The following CCSER1 variants were observed in gnomAD, a reference collection of about 807,000 sequenced individuals.
The protein encoded by CCSER1 is coiled-coil serine rich protein 1.
CCSER1 carries 41 observed loss-of-function variants against 82.0 expected under a neutral mutation model. That is an observed-to-expected ratio of 0.50 (90% CI 0.39 to 0.65). The LOEUF (loss-of-function observed/expected upper bound fraction) is 0.65. Ranked by LOEUF, CCSER1 falls within the 30% of genes least tolerant of loss-of-function variation. The pLI is 0.00. For synonymous variants in CCSER1, 414 were observed against 383.9 expected (o/e 1.08, Z -0.92); for missense variants, 1,119 against 1,064.2 (o/e 1.05, Z -0.72).
chr4:90,572,996 G>A (rs1330363191), intron 5 of CCSER1, among the ~76,000 whole-genome samples: 1 of 152,178 alleles, frequency 6.6e-6, no homozygotes, highest in Non-Finnish European at 1.5e-5. Flanking sequence ...AGGTATATGT[G>A]GCACTAGGGT....
At chr4:90,730,401 T>C (rs1042999766) in intron 7 of CCSER1, among the ~76,000 whole-genome samples, 3 of 152,196 alleles carry the variant, frequency 2.0e-5, no homozygotes, top group Non-Finnish European at 4.4e-5. Flanking sequence ...GGTCATTTTT[T>C]ACTAAGCCAT....
At chr4:90,460,971 C>T in intron 4 of CCSER1, among the ~76,000 whole-genome samples, 1 of 152,168 alleles carries the variant, frequency 6.6e-6, no homozygotes, top group Middle Eastern at 3.4e-3. Flanking sequence ...GAAGCCCTCA[C>T]CATTTCTCAC....
At position 90,420,718 on chromosome 4, in the gene CCSER1, A is replaced by G. The variant is rs534067466; in HGVS notation, c.1603+20589A>G. 2.0e-5 allele frequency among the ~76,000 whole-genome samples: 3 copies of G among 152,222 alleles called. No individual in the cohort carries two copies. In the South Asian group the frequency reaches 6.2e-4, roughly 32 times the overall value. ...TGACCTAATTTAGTATTAAATAACA[A>G]CAATTTTAATGAAGTCATAGTATTT... is the stretch of plus-strand genomic sequence containing the variant. On this transcript the variant is annotated intron_variant, in intron 4 of 10. Coordinates refer to ENST00000509176, the MANE Select transcript of CCSER1 (RefSeq NM_001145065.2).
At chr4:90,591,482 G>A (rs1050179804) in intron 5 of CCSER1, among the ~76,000 whole-genome samples, 4 of 152,148 alleles carry the variant, frequency 2.6e-5, no homozygotes, top group Non-Finnish European at 4.4e-5. Flanking sequence ...AAACAACAAT[G>A]AGATACCATC....
In CCSER1 at chr4:90,755,247, A is replaced by T. The variant is rs146275301; in HGVS notation, c.2010+31256A>T. 1.8e-4 allele frequency among the ~76,000 whole-genome samples: 28 copies of T among 152,224 alleles called. 1 individual carries two copies. In the East Asian group the frequency reaches 5.4e-3, roughly 29 times the overall value. On this transcript the variant is annotated intron_variant, in intron 7 of 10. Transcript: ENST00000509176. ...GAGGAACAAGAGGGGGTGCATATTG[A>T]TAAACAAGTAAGAGTCAGTGCCAGA...
intron 10 of CCSER1, among the ~76,000 whole-genome samples, chr4:91,320,187 G>T (rs534052449): frequency 6.6e-6 from 1 of 152,138 alleles, no homozygotes; most frequent in South Asian, 2.1e-4. Context: ...TTTGTAAAGT[G>T]CTTCAAATGA....
At chr4:90,841,674 A>G (rs553307309) in intron 8 of CCSER1, among the ~76,000 whole-genome samples, 3 of 150,182 alleles carry the variant, frequency 2.0e-5, no homozygotes, top group South Asian at 2.1e-4. Flanking sequence ...AGAACTGTTT[A>G]TTAGGGCAGT....
chr4:90,760,733 T>C (rs1294263707), intron 7 of CCSER1, among the ~76,000 whole-genome samples: 1 of 152,078 alleles, frequency 6.6e-6, no homozygotes, highest in East Asian at 1.9e-4. Flanking sequence ...CTGTTTCTTG[T>C]TATGGGACTA....
At chr4:90,924,657 A>T (rs1268463050) in intron 9 of CCSER1, among the ~76,000 whole-genome samples, 1 of 152,164 alleles carries the variant, frequency 6.6e-6, no homozygotes, top group African/African-American at 2.4e-5. Flanking sequence ...ATTTACCACA[A>T]GTAGTTCAAT....
intron 4 of CCSER1, among the ~76,000 whole-genome samples, chr4:90,451,114 T>C (rs1213757796): frequency 1.3e-5 from 2 of 152,168 alleles, no homozygotes; most frequent in Non-Finnish European, 2.9e-5. Flanking sequence ...ACAGTGAAGA[T>C]AGTATTGTAT....
chr4:91,390,847 G>A (rs977014427), intron 10 of CCSER1, among the ~76,000 whole-genome samples: 2 of 151,882 alleles, frequency 1.3e-5, no homozygotes. Flanking sequence ...ATTTTATTTA[G>A]CTTATCAAAT....
chr4:90,333,410 CA>C (rs1368352829), intron 3 of CCSER1, among the ~76,000 whole-genome samples: 1 of 151,842 alleles, frequency 6.6e-6, no homozygotes, highest in Non-Finnish European at 1.5e-5. Context: ...TTCTCAGAAA[CA>C]AACACAAAAC....
intron 8 of CCSER1, among the ~76,000 whole-genome samples, chr4:90,880,578 G>A (rs1489817384): frequency 1.3e-5 from 2 of 152,198 alleles, no homozygotes; most frequent in African/African-American, 4.8e-5. Flanking sequence ...TGGCAGAGAG[G>A]CTTTCAGTTG....
intron 1 of CCSER1, among the ~76,000 whole-genome samples, chr4:90,196,005 C>T (rs572736036): frequency 1.3e-5 from 2 of 151,720 alleles, no homozygotes; most frequent in Admixed American, 6.6e-5. Flanking sequence ...CCTTTGTTCT[C>T]GTATGCTAAC....
At chr4:91,103,086 C>T (rs553654101) in intron 10 of CCSER1, among the ~76,000 whole-genome samples, 11 of 152,252 alleles carry the variant, frequency 7.2e-5, no homozygotes, top group South Asian at 2.1e-4. Context: ...AAACCCACAA[C>T]GGAAAAACAC....
At chr4:90,294,691 T>A (rs1390299321) in intron 1 of CCSER1, among the ~76,000 whole-genome samples, 2 of 152,084 alleles carry the variant, frequency 1.3e-5, no homozygotes, top group Non-Finnish European at 2.9e-5. Context: ...TTATTTTGAT[T>A]TTTAAAGTCT....
chr4:90,803,340 C>A (rs2149708669), intron 7 of CCSER1, among the ~76,000 whole-genome samples: 1 of 151,752 alleles, frequency 6.6e-6, no homozygotes, highest in Non-Finnish European at 1.5e-5. Context: ...TTAGGTATTT[C>A]TCTAATGTTA....
intron 1 of CCSER1, among the ~76,000 whole-genome samples, chr4:90,153,668 G>A (rs1727372990): frequency 2.6e-5 from 4 of 152,104 alleles, no homozygotes; most frequent in Admixed American, 2.6e-4. Flanking sequence ...GCGGTTTTTG[G>A]CTGCATAAAT....
At chr4:91,296,591 T>C (rs1744204802) in intron 10 of CCSER1, among the ~76,000 whole-genome samples, 1 of 148,650 alleles carries the variant, frequency 6.7e-6, no homozygotes, top group Admixed American at 6.8e-5. Context: ...CATATAGTTA[T>C]GTGTATAATA....
Sources: allele counts gnomAD v4.1 joint callset (sites outside exome capture counted in the v4.1 genomes callset), GRCh38; gene constraint gnomAD v4.1.1; transcripts MANE v1.5; gene names NCBI Gene and HGNC (gene_info 2026-07-23, HGNC 2026-07-21).